LRBA: variants seen among roughly 807,000 people sequenced by gnomAD.
The protein encoded by LRBA is lipopolysaccharide-responsive and beige-like anchor protein.
LRBA carries 176 observed loss-of-function variants against 330.0 expected under a neutral mutation model. The observed-to-expected ratio is 0.53, with a 90% CI of 0.47 to 0.60. The LOEUF is 0.60. Among genes scored for constraint, LRBA ranks in the 20% least tolerant of loss-of-function variants. The pLI, the probability that LRBA is intolerant of heterozygous loss-of-function variation, is 0.00. For synonymous variants in LRBA, 1,230 were observed against 1,193.0 expected (o/e 1.03, Z -0.64); for missense variants, 3,259 against 3,444.8 (o/e 0.95, Z 1.35).
At chr4:150,659,800 G>A (rs1581959752) in intron 37 of LRBA, among the ~76,000 whole-genome samples, 1 of 63,826 alleles carries the variant, frequency 1.6e-5, no homozygotes, top group Admixed American at 1.9e-4. Context: ...CGCCCCTACT[G>A]GGAAGTGAGG....
At chr4:150,789,740 C>A (rs1458141622) in intron 34 of LRBA, among the ~76,000 whole-genome samples, 1 of 152,086 alleles carries the variant, frequency 6.6e-6, no homozygotes, top group Non-Finnish European at 1.5e-5. Flanking sequence ...ACACTTTTAA[C>A]CTAGCCTCTC....
In LRBA at chr4:150,371,627, C is replaced by T. The variant is rs184798217; in HGVS notation, c.7195-21468G>A. On this transcript the variant is annotated intron_variant, in intron 47 of 56. Coordinates refer to ENST00000651943, the MANE Select transcript of LRBA (RefSeq NM_001364905.1). Reference sequence around the variant, plus strand: ...CCAGTCTAATGGAGACACAGGAAAACAAGTATGTCCAAAGGTACATGGAAA... The same window carrying T: ...CCAGTCTAATGGAGACACAGGAAAATAAGTATGTCCAAAGGTACATGGAAA... Among the ~76,000 whole-genome samples, 29 of 152,100 alleles carry T rather than the reference C, an allele frequency of 1.9e-4. No individual in the cohort carries two copies. The South Asian group carries it at 5.8e-3, about 30-fold the overall frequency.
intron 53 of LRBA, among the ~76,000 whole-genome samples, chr4:150,294,074 T>A (rs1373922398): frequency 6.6e-6 from 1 of 152,228 alleles, no homozygotes; most frequent in East Asian, 1.9e-4. Context: ...TCAAAAGTTA[T>A]ATGCATGTTT....
At chr4:150,946,561 A>G (rs1173532738) in intron 2 of LRBA, among the ~76,000 whole-genome samples, 1 of 152,034 alleles carries the variant, frequency 6.6e-6, no homozygotes. Context: ...TTTTTTAAAT[A>G]CGATGAACTG....
chr4:150,642,866 C>T (rs1561462196), intron 37 of LRBA, among the ~76,000 whole-genome samples: 4 of 151,658 alleles, frequency 2.6e-5, no homozygotes. Flanking sequence ...AAAAGAATTA[C>T]TCTCAAAGAA....
At chr4:150,896,846 A>G (rs1479047626) in intron 15 of LRBA, among the ~76,000 whole-genome samples, 2 of 152,062 alleles carry the variant, frequency 1.3e-5, no homozygotes, top group African/African-American at 4.8e-5. Context: ...AGTTTCTGAA[A>G]TTATCAAGTT....
At chr4:150,329,573 T>G (rs539035803) in intron 48 of LRBA, among the ~76,000 whole-genome samples, 1 of 152,228 alleles carries the variant, frequency 6.6e-6, no homozygotes, top group South Asian at 2.1e-4. Context: ...TTTAGCACTA[T>G]GATTCACTCA....
At chr4:150,850,694 A>G in intron 24 of LRBA, 30 bp downstream of exon 24, 2 of 1,399,962 alleles carry the variant, frequency 1.4e-6, no homozygotes, top group Non-Finnish European at 2.0e-6. Context: ...AGGTTTATAC[A>G]CATCTTCCAT....
At chr4:150,352,389 T>A (rs1737296815) in intron 47 of LRBA, among the ~76,000 whole-genome samples, 1 of 152,198 alleles carries the variant, frequency 6.6e-6, no homozygotes, top group Admixed American at 6.5e-5. Context: ...CATAGCTTTA[T>A]GATATATCAC....
intron 20 of LRBA, 102 bp from the exon 21 acceptor site, chr4:150,868,407 T>C: frequency 2.9e-6 from 2 of 700,442 alleles, no homozygotes; most frequent in Non-Finnish European, 4.4e-6. Context: ...CTAACACAAA[T>C]GTCTACCAAA....
At chr4:150,701,570 G>A (rs1240313751) in intron 36 of LRBA, among the ~76,000 whole-genome samples, 1 of 152,138 alleles carries the variant, frequency 6.6e-6, no homozygotes, top group East Asian at 1.9e-4. Context: ...GACCACCACT[G>A]TACATGTGGT....
intron 40 of LRBA, among the ~76,000 whole-genome samples, chr4:150,576,680 A>C (rs901268581): frequency 6.6e-6 from 1 of 151,946 alleles, no homozygotes; most frequent in Non-Finnish European, 1.5e-5. Flanking sequence ...ATAATACAAG[A>C]ATTATATTTG....
chr4:150,740,471 T>C (rs2127161029), intron 35 of LRBA, among the ~76,000 whole-genome samples: 1 of 151,104 alleles, frequency 6.6e-6, no homozygotes, highest in East Asian at 1.9e-4. Context: ...TTTAGGAGGG[T>C]CACTGGATTT....
At chr4:150,376,063 C>T (rs1741269947) in intron 47 of LRBA, among the ~76,000 whole-genome samples, 1 of 152,110 alleles carries the variant, frequency 6.6e-6, no homozygotes, top group Admixed American at 6.5e-5. Context: ...CAATATAACA[C>T]ATTAGAGAGA....
At chr4:150,811,803 C>A (rs1030655467) in intron 31 of LRBA, among the ~76,000 whole-genome samples, 1 of 152,136 alleles carries the variant, frequency 6.6e-6, no homozygotes, top group Non-Finnish European at 1.5e-5. Context: ...CCACACCCTG[C>A]CCACTGTGCT....
Position 150,683,912 on chromosome 4 carries a change from A to G in LRBA, c.5755-195T>C, listed in dbSNP as rs28475186. 2,181 of 527,592 alleles carry G rather than the reference A, an allele frequency of 4.1e-3. 46 individuals carry two copies. The highest frequency in any genetic ancestry group is 0.037 in the African/African-American group (1,951 of 52,420). 32.7% of individuals were successfully genotyped at this position (527,592 alleles called of 1,614,324 possible). ...ACAAGAATTTACTTCTGTGAAGTCA[A>G]TCATGAGATACACTCAGAAGTGGTA... On this transcript the variant is annotated intron_variant, in intron 36 of 56. Transcript: ENST00000651943.
chr4:150,272,835 T>C (rs1464489109), intron 56 of LRBA, among the ~76,000 whole-genome samples: 3 of 152,114 alleles, frequency 2.0e-5, no homozygotes, highest in Non-Finnish European at 4.4e-5. Context: ...TACATTTGAT[T>C]TGTATACCTG....
chr4:150,664,008 T>C (rs905615278), intron 37 of LRBA, among the ~76,000 whole-genome samples: 1 of 152,052 alleles, frequency 6.6e-6, no homozygotes, highest in African/African-American at 2.4e-5. Flanking sequence ...AAAAGGTATG[T>C]CTGGATCGCA....
intron 1 of LRBA, 47 bp downstream of exon 1, chr4:151,015,155 G>A (rs1338752863): frequency 1.3e-5 from 2 of 153,526 alleles, no homozygotes; most frequent in Non-Finnish European, 2.9e-5. Flanking sequence ...TCGGAGGAAA[G>A]AAGGGGGGCC....
Sources: gnomAD v4.1 joint callset for allele counts (sites outside exome capture counted in the v4.1 genomes callset) on GRCh38, gnomAD v4.1.1 for gene constraint, MANE v1.5 for transcripts, NCBI Gene and HGNC (gene_info 2026-07-23, HGNC 2026-07-21) for gene names.